Variants in BOLA3 observed in about 807,000 individuals in gnomAD.
BOLA3 encodes the protein bolA family member 3.
BOLA3 carries 8 observed loss-of-function variants against 14.5 expected under a neutral mutation model. The observed-to-expected ratio is 0.55, with a 90% CI of 0.32 to 0.99. BOLA3 has a LOEUF of 0.99. Among genes scored for constraint, BOLA3 ranks in the 50% least tolerant of loss-of-function variants. The pLI, the probability that BOLA3 is intolerant of heterozygous loss-of-function variation, is 0.04. For missense variants in BOLA3, 115 were observed against 138.2 expected (o/e 0.83, Z 0.84); for synonymous variants, 42 against 45.7 (o/e 0.92, Z 0.33).
At chr2:74,141,991 T>C (rs1460494161) in intron 3 of BOLA3, among the ~76,000 whole-genome samples, 2 of 152,360 alleles carry the variant, frequency 1.3e-5, no homozygotes, top group East Asian at 3.9e-4. Flanking sequence ...TGTTTAGATA[T>C]ACTCATCAAT....
At chr2:74,141,859 G>T (rs1031057400) in intron 3 of BOLA3, among the ~76,000 whole-genome samples, 3 of 152,158 alleles carry the variant, frequency 2.0e-5, no homozygotes, top group African/African-American at 7.2e-5. Context: ...TGGGTCTGGG[G>T]CAGCTGCAGC....
chr2:74,147,261 C>CCAGG (rs1459079050), intron 1 of BOLA3: 1 of 160,010 alleles, frequency 6.2e-6, no homozygotes, highest in East Asian at 1.9e-4. Context: ...AGGTTCAGAA[C>CCAGG]CAGGGGAGAA....
chr2:74,142,378 C>A lies in BOLA3; in HGVS notation c.170-18G>T. 3.2e-6 allele frequency: 5 copies of A among 1,584,004 alleles called. No individual in the cohort carries two copies. In the South Asian group the frequency reaches 4.4e-5, roughly 14 times the overall value. ...ACAACCTCCTAAAATAAACATGATT[C>A]AAAAGCATTTCAATTATTAAGTCAT... On this transcript the variant is annotated intron_variant, in intron 2 of 3. Coordinates refer to ENST00000327428, the MANE Select transcript of BOLA3 (RefSeq NM_212552.3).
At chr2:74,139,369 G>A (rs906462232) in intron 3 of BOLA3, among the ~76,000 whole-genome samples, 10 of 152,000 alleles carry the variant, frequency 6.6e-5, no homozygotes, top group Admixed American at 5.9e-4. Flanking sequence ...GCCTGGGCAT[G>A]AGAGCATCTG....
intron 1 of BOLA3, chr2:74,146,153 C>T (rs948089130): frequency 6.6e-6 from 1 of 152,086 alleles, no homozygotes; most frequent in Non-Finnish European, 1.5e-5. Flanking sequence ...CCACCACGCT[C>T]GGCAAATTTT....
At chr2:74,143,219 G>C (rs991602848) in intron 2 of BOLA3, among the ~76,000 whole-genome samples, 3 of 151,532 alleles carry the variant, frequency 2.0e-5, no homozygotes, top group East Asian at 3.9e-4. Context: ...GCAGTGGCAC[G>C]ATCTGGGCTC....
rs1001515711 is a variant in BOLA3 at position 74,142,419 on chromosome 2, A to G, written c.170-59T>C. 38 of 1,307,566 alleles carry G rather than the reference A, an allele frequency of 2.9e-5. No individual in the cohort carries two copies. In the East Asian group the frequency reaches 4.8e-4, roughly 17 times the overall value. The allele number at this position is 1,307,566 out of a possible 1,614,324, so 81.0% of individuals were successfully genotyped here. ...ATTAAGTCATGGCAGCCATGGTCCCATATATCCTTGAAGTACTGTACAATC... is the reference window on the plus strand; with the variant it reads ...ATTAAGTCATGGCAGCCATGGTCCCGTATATCCTTGAAGTACTGTACAATC... On this transcript the variant is annotated intron_variant, in intron 2 of 3. Coordinates refer to ENST00000327428, the MANE Select transcript of BOLA3 (RefSeq NM_212552.3).
intron 2 of BOLA3, among the ~76,000 whole-genome samples, chr2:74,143,849 G>C (rs1008079348): frequency 1.6e-5 from 2 of 128,454 alleles, no homozygotes; most frequent in Admixed American, 7.4e-5. Context: ...ACCATGCCTG[G>C]CTAATTTTTT....
Position 74,142,403 on chromosome 2 carries a change from T to C in BOLA3, c.170-43A>G, listed in dbSNP as rs766130333. The C allele has an allele frequency of 4.6e-5, 65 of 1,426,102 alleles. No individual in the cohort carries two copies. In the South Asian group the frequency reaches 6.6e-4, roughly 15 times the overall value. 88.3% of individuals were successfully genotyped at this position (1,426,102 alleles called of 1,614,324 possible). On this transcript the variant is annotated intron_variant, in intron 2 of 3. Coordinates refer to ENST00000327428, the MANE Select transcript of BOLA3 (RefSeq NM_212552.3). ...CAAAAGCATTTCAATTATTAAGTCA[T>C]GGCAGCCATGGTCCCATATATCCTT...
At position 74,135,563 on chromosome 2, in the gene BOLA3, A is replaced by G. The variant is rs1161246406; in HGVS notation, c.*30T>C. The G allele has an allele frequency of 6.2e-7, 1 of 1,613,414 alleles. No homozygotes were observed. The highest frequency in any genetic ancestry group is 1.3e-5 in the African/African-American group (1 of 75,042). ...TCAGTGAAGTTCATCCAAGGTCTTA[A>G]GCAGCAGCATCTATGCAGCCAGGGC... On this transcript the variant is annotated 3_prime_UTR_variant, in exon 4 of 4. Transcript: ENST00000327428.
intron 3 of BOLA3, among the ~76,000 whole-genome samples, chr2:74,138,663 G>A (rs1026971142): frequency 6.6e-6 from 1 of 152,218 alleles, no homozygotes; most frequent in African/African-American, 2.4e-5. Flanking sequence ...CTGGATTCTG[G>A]GCAACCAGGG....
chr2:74,145,614 C>T (rs922135220), intron 1 of BOLA3: 3 of 393,668 alleles, frequency 7.6e-6, no homozygotes, highest in South Asian at 2.3e-5. Flanking sequence ...ACTATTATGC[C>T]GATAGTTTTA....
chr2:74,139,142 CA>C (rs1395900101), intron 3 of BOLA3, among the ~76,000 whole-genome samples: 1 of 152,148 alleles, frequency 6.6e-6, no homozygotes, highest in Non-Finnish European at 1.5e-5. Context: ...AGGGTGCCGA[CA>C]GGGGGCGCCC....
At chr2:74,141,963 A>G (rs1692444695) in intron 3 of BOLA3, among the ~76,000 whole-genome samples, 1 of 152,212 alleles carries the variant, frequency 6.6e-6, no homozygotes, top group African/African-American at 2.4e-5. Context: ...AAAAACATGT[A>G]TCTTTTAGCA....
chr2:74,143,395 G>A (rs188214311), intron 2 of BOLA3, among the ~76,000 whole-genome samples: 4,823 of 152,070 alleles, frequency 0.032, 254 homozygotes, highest in African/African-American at 0.11. Context: ...TCCTGACCTC[G>A]TGATCCACCC....
chr2:74,147,272 G>A (rs1377103148), intron 1 of BOLA3: 4 of 160,306 alleles, frequency 2.5e-5, no homozygotes, highest in African/African-American at 9.6e-5. Context: ...CAGGGGAGAA[G>A]GAAAATGAAA....
chr2:74,147,829 TC>T lies in BOLA3; in HGVS notation c.45del (p.Ile16SerfsTer21). On this transcript the variant is annotated frameshift_variant, in exon 1 of 4. Coordinates refer to ENST00000327428, the MANE Select transcript of BOLA3 (RefSeq NM_212552.3). LOFTEE classifies it high-confidence loss of function. Reference sequence around the variant, plus strand: ...ACCCTGCCCACGCTCACCCCGCGGATCCCGCGGAGGAGAGGCGCTGCCGCGG... The same window carrying T: ...ACCCTGCCCACGCTCACCCCGCGGATCCGCGGAGGAGAGGCGCTGCCGCGG... ...SPAAAAPLLRGIRGLPLHHRM... is the reference protein window; with the variant it reads ...SPAAAAPLLRXIRGLPLHHRM... 1 of 1,528,380 alleles carries T rather than the reference TC, an allele frequency of 6.5e-7. No individual in the cohort carries two copies. The highest frequency in any genetic ancestry group is 8.7e-7 in the Non-Finnish European group (1 of 1,144,332). 94.7% of individuals were successfully genotyped at this position (1,528,380 alleles called of 1,614,324 possible).
chr2:74,147,656 T>G (rs1264789876), intron 1 of BOLA3, 165 bp downstream of exon 1: 11 of 709,466 alleles, frequency 1.6e-5, no homozygotes, highest in Middle Eastern at 3.9e-4. Flanking sequence ...GCTGAGTGAA[T>G]GAATGAATGA....
At chr2:74,136,006 G>A (rs1692319025) in intron 3 of BOLA3, among the ~76,000 whole-genome samples, 1 of 149,348 alleles carries the variant, frequency 6.7e-6, no homozygotes, top group Non-Finnish European at 1.5e-5. Flanking sequence ...TTGGAGTGCA[G>A]TGGCGCGATA....
Sources: allele counts gnomAD v4.1 joint callset (sites outside exome capture counted in the v4.1 genomes callset), GRCh38; gene constraint gnomAD v4.1.1; transcripts MANE v1.5; gene names NCBI Gene and HGNC (gene_info 2026-07-23, HGNC 2026-07-21).